The following CHRNA5 variants were observed in gnomAD, a reference collection of about 807,000 sequenced individuals.
CHRNA5 encodes neuronal acetylcholine receptor subunit alpha-5.
Under a neutral mutation model 41.2 loss-of-function variants are expected in CHRNA5, and 28 were observed. The ratio of observed to expected loss-of-function variants is 0.68; its 90% CI spans 0.50 to 0.93. The LOEUF is 0.93. Among genes scored for constraint, CHRNA5 ranks in the 40% least tolerant of loss-of-function variants. The pLI, the probability that CHRNA5 is intolerant of heterozygous loss-of-function variation, is 0.00. For missense variants in CHRNA5, 481 were observed against 581.9 expected, an observed-to-expected ratio of 0.83 and a Z score of 1.78; for synonymous variants, 188 against 205.8, an observed-to-expected ratio of 0.91 and a Z score of 0.74.
At chr15:78,590,917 A>G (rs1038424141) in intron 5 of CHRNA5, 2 of 372,320 alleles carry the variant, frequency 5.4e-6, no homozygotes, top group Non-Finnish European at 4.9e-6. Context: ...TCTAAGGAAT[A>G]ATCCTGCCAT....
At chr15:78,569,299 C>A (rs2052777817) in intron 1 of CHRNA5, among the ~76,000 whole-genome samples, 1 of 151,822 alleles carries the variant, frequency 6.6e-6, no homozygotes, top group South Asian at 2.1e-4. Context: ...AGTTTTAGTT[C>A]AGTAATTTCA....
At chr15:78,583,950 T>G (rs752730065) in intron 2 of CHRNA5, among the ~76,000 whole-genome samples, 3 of 152,156 alleles carry the variant, frequency 2.0e-5, no homozygotes, top group Non-Finnish European at 4.4e-5. Context: ...CCCACTTTGA[T>G]GAGTTTTTAA....
rs111795555 is a variant in CHRNA5, at chr15:78,589,844, C to G, written c.453C>G (p.Val151=). ...TTGAAGGGACCAGTACGAAAACAGT[C>G]ATCAGGTACAATGGCACTGTCACCT... The change falls in exon 5 of 6, where the codon GTC becomes GTG. Residue 151 remains valine, a synonymous_variant. Coordinates refer to ENST00000299565, the Ensembl canonical transcript of CHRNA5. 30 of 1,609,556 alleles carry G rather than the reference C, an allele frequency of 1.9e-5. No homozygotes were observed. In the African/African-American group the frequency reaches 1.9e-4, roughly 10 times the overall value.
chr15:78,576,320 G>A (rs1471441157), intron 1 of CHRNA5, among the ~76,000 whole-genome samples: 1 of 152,006 alleles, frequency 6.6e-6, no homozygotes, highest in Non-Finnish European at 1.5e-5. Flanking sequence ...TCATTATTGT[G>A]TTTTTAGTAG....
chr15:78,592,215 G>A (rs981925738), intron 5 of CHRNA5, among the ~76,000 whole-genome samples: 1 of 152,182 alleles, frequency 6.6e-6, no homozygotes, highest in Admixed American at 6.5e-5. Flanking sequence ...CCAGCCACCT[G>A]GGAGGCTGAG....
chr15:78,572,388 A>G (rs1704392464), intron 1 of CHRNA5, among the ~76,000 whole-genome samples: 2 of 152,354 alleles, frequency 1.3e-5, no homozygotes, highest in South Asian at 4.1e-4. Flanking sequence ...ATAAAGTCTA[A>G]TGCACTCATA....
chr15:78,571,383 C>T (rs148958670), intron 1 of CHRNA5, among the ~76,000 whole-genome samples: 190 of 152,304 alleles, frequency 1.2e-3, no homozygotes, highest in African/African-American at 4.4e-3. Flanking sequence ...TCATTCATAA[C>T]TCGACATCTC....
intron 2 of CHRNA5, among the ~76,000 whole-genome samples, chr15:78,583,595 C>T (rs1018088035): frequency 6.6e-5 from 10 of 151,236 alleles, no homozygotes; most frequent in South Asian, 4.2e-4. Context: ...CTCGGGAGGC[C>T]GAGGCAGGAG....
intron 5 of CHRNA5, among the ~76,000 whole-genome samples, chr15:78,592,571 G>T (rs1040559115): frequency 1.3e-5 from 2 of 152,084 alleles, no homozygotes; most frequent in Non-Finnish European, 2.9e-5. Context: ...CTGGCTCCAG[G>T]GAAGACTGTT....
At chr15:78,584,077 A>G (rs777559240) in intron 2 of CHRNA5, among the ~76,000 whole-genome samples, 3 of 152,178 alleles carry the variant, frequency 2.0e-5, no homozygotes, top group African/African-American at 7.2e-5. Context: ...GAAGAGCCCA[A>G]AAAATGAAAT....
exon 6 of CHRNA5, chr15:78,593,459 T>C: frequency 2.5e-6 from 1 of 407,232 alleles, no homozygotes; most frequent in East Asian, 4.2e-5. Flanking sequence ...CATTTGATCT[T>C]GTAAAAATAG....
rs757656190 is a variant in CHRNA5, at chr15:78,593,076, A to T, written c.1246-16A>T. 5.6e-6 allele frequency: 9 copies of T among 1,596,240 alleles called. No homozygotes were observed. In the East Asian group the frequency reaches 6.7e-5, roughly 12 times the overall value. ...ATTTACAATTATTTAATGCATTTTT[A>T]TTTTTTTCCTAACAGGTTGTTGAAG... On this transcript the variant is annotated splice_polypyrimidine_tract_variant and intron_variant, in intron 5 of 5. Transcript: ENST00000299565.
At chr15:78,579,142 C>T (rs1040198170) in intron 1 of CHRNA5, among the ~76,000 whole-genome samples, 5 of 151,446 alleles carry the variant, frequency 3.3e-5, no homozygotes, top group South Asian at 2.1e-4. Context: ...GATTTTTGAA[C>T]GGGAATTCCT....
At chr15:78,589,522 G>GT in intron 4 of CHRNA5, 1 of 328,368 alleles carries the variant, frequency 3.0e-6, no homozygotes, top group Non-Finnish European at 5.5e-6. Flanking sequence ...TGTGTGTAAG[G>GT]TGAGGTCTTT....
chr15:78,572,311 A>T (rs1477138366), intron 1 of CHRNA5, among the ~76,000 whole-genome samples: 2 of 152,134 alleles, frequency 1.3e-5, no homozygotes, highest in East Asian at 3.8e-4. Flanking sequence ...ATTTTTTCCC[A>T]TTGTAACATT....
chr15:78,580,906 C>A (rs1311124863), exon 2 of CHRNA5: 1 of 1,613,958 alleles, frequency 6.2e-7, no homozygotes, highest in African/African-American at 1.3e-5. Context: ...TGTGGAACAC[C>A]TGAATGACAA....
chr15:78,580,374 T>C (rs1314982946), intron 1 of CHRNA5, among the ~76,000 whole-genome samples: 1 of 152,012 alleles, frequency 6.6e-6, no homozygotes, highest in African/African-American at 2.4e-5. Flanking sequence ...ATCTGTTTTC[T>C]AGGTTTGGAA....
At chr15:78,579,455 T>C (rs745401010) in intron 1 of CHRNA5, among the ~76,000 whole-genome samples, 8 of 152,186 alleles carry the variant, frequency 5.3e-5, no homozygotes, top group Non-Finnish European at 1.0e-4. Flanking sequence ...GGTTTCACCA[T>C]GTTGGCCAGG....
chr15:78,593,278 C>A (rs965993931), exon 6 of CHRNA5: 1 of 1,570,764 alleles, frequency 6.4e-7, no homozygotes, highest in Non-Finnish European at 8.6e-7. Flanking sequence ...CTGAAGTATA[C>A]ATTTAGTTAA....
Sources: gnomAD v4.1 joint callset for allele counts (sites outside exome capture counted in the v4.1 genomes callset) on GRCh38, gnomAD v4.1.1 for gene constraint, MANE v1.5 for transcripts, NCBI Gene and HGNC (gene_info 2026-07-23, HGNC 2026-07-21) for gene names.